The following GLIS3 variants were observed in gnomAD, a reference collection of about 807,000 sequenced individuals.
The protein encoded by GLIS3 is zinc finger protein GLIS3.
Under a neutral mutation model 78.6 loss-of-function variants are expected in GLIS3, and 53 were observed. The observed-to-expected ratio is 0.67, with a 90% CI of 0.54 to 0.85. The LOEUF (loss-of-function observed/expected upper bound fraction) is 0.85, where lower values mean the gene tolerates loss of function less well. Among genes scored for constraint, GLIS3 ranks in the 40% least tolerant of loss-of-function variants. The pLI is 0.00. For missense variants in GLIS3, 1,703 were observed against 1,231.1 expected (o/e 1.38, Z -5.74); for synonymous variants, 684 against 509.9 (o/e 1.34, Z -4.60).
intron 2 of GLIS3, among the ~76,000 whole-genome samples, chr9:4,167,289 C>T (rs1489236266): frequency 2.0e-5 from 3 of 152,000 alleles, no homozygotes; most frequent in Non-Finnish European, 4.4e-5. Context: ...GCTAAGAGAT[C>T]CTGTGTGGGA....
At chr9:4,046,683 G>A (rs1290277754) in intron 4 of GLIS3, among the ~76,000 whole-genome samples, 7 of 152,136 alleles carry the variant, frequency 4.6e-5, no homozygotes, top group African/African-American at 1.2e-4. Context: ...CATTTTTTGA[G>A]GGAAGTACAT....
intron 4 of GLIS3, among the ~76,000 whole-genome samples, chr9:4,027,611 G>A (rs542796901): frequency 3.9e-5 from 6 of 152,222 alleles, no homozygotes; most frequent in East Asian, 1.9e-4. Context: ...GTTTCTAGCT[G>A]CAAGAGTGTG....
upstream of GLIS3, among the ~76,000 whole-genome samples, chr9:4,351,922 G>C (rs949263772): frequency 4.6e-5 from 7 of 152,148 alleles, no homozygotes; most frequent in African/African-American, 1.7e-4. Flanking sequence ...AACTAGTAGT[G>C]CCTGTATTTG....
chr9:4,254,729 ACT>A (rs1824744554), intron 2 of GLIS3, among the ~76,000 whole-genome samples: 1 of 151,548 alleles, frequency 6.6e-6, no homozygotes, highest in African/African-American at 2.4e-5. Flanking sequence ...AATCCCAGCT[ACT>A]CGGGAGGCTG....
At chr9:4,481,073 C>G in the GLIS3 span, among the ~76,000 whole-genome samples, 94 of 152,250 alleles carry the variant, frequency 6.2e-4, no homozygotes, top group Admixed American at 7.8e-4. Flanking sequence ...TCAGTCTGGT[C>G]TCAAACTCCT....
the GLIS3 span, among the ~76,000 whole-genome samples, chr9:4,461,502 TCAACTCTCA>T: frequency 6.6e-6 from 1 of 152,184 alleles, no homozygotes; most frequent in East Asian, 1.9e-4. Flanking sequence ...TACTCTTTCC[TCAACTCTCA>T]CTCAAATTTT....
At chr9:4,139,177 A>G (rs199944909) in intron 2 of GLIS3, among the ~76,000 whole-genome samples, 4 of 152,204 alleles carry the variant, frequency 2.6e-5, no homozygotes, top group East Asian at 3.8e-4. Flanking sequence ...TCAAGGTTGT[A>G]TATCTCTCAA....
Position 4,117,763 on chromosome 9 carries a change from C to T in GLIS3, c.1710+5G>A. ...GAGGTCACCCCTTGCGCTTCGGAAA[C>T]TCACCGTACACTTGTTGGGCTTCTC... On this transcript the variant is annotated splice_donor_5th_base_variant and intron_variant, in intron 4 of 10. Transcript: ENST00000381971. The T allele has an allele frequency of 6.2e-7, 1 of 1,614,188 alleles. No homozygotes were observed. Among genetic ancestry groups the T allele is most frequent in the Non-Finnish European group, 8.5e-7 (1 of 1,180,038 alleles).
At chr9:4,376,902 A>G in the GLIS3 span, among the ~76,000 whole-genome samples, 233 of 134,626 alleles carry the variant, frequency 1.7e-3, 44 homozygotes, top group Non-Finnish European at 9.9e-4. Flanking sequence ...GTGTTCTTTG[A>G]GCCACTGATT....
intron 4 of GLIS3, among the ~76,000 whole-genome samples, chr9:4,067,294 G>A (rs887958656): frequency 1.7e-4 from 26 of 151,110 alleles, no homozygotes; most frequent in African/African-American, 5.3e-4. Flanking sequence ...TTAATATAAA[G>A]TATTATATTC....
chr9:4,408,952 C>G, the GLIS3 span, among the ~76,000 whole-genome samples: 2 of 151,338 alleles, frequency 1.3e-5, no homozygotes, highest in Non-Finnish European at 2.9e-5. Context: ...CTCATATACC[C>G]CACACATACA....
chr9:4,228,913 C>G (rs1822013974), intron 2 of GLIS3, among the ~76,000 whole-genome samples: 1 of 152,190 alleles, frequency 6.6e-6, no homozygotes, highest in African/African-American at 2.4e-5. Context: ...GTTCATCCTA[C>G]TCTAAAATAA....
At chr9:4,265,230 G>A (rs148725159) in intron 2 of GLIS3, among the ~76,000 whole-genome samples, 8 of 151,876 alleles carry the variant, frequency 5.3e-5, no homozygotes, top group East Asian at 3.9e-4. Context: ...TACATCTGGT[G>A]AAAGGTGATA....
At chr9:4,485,883 A>G in the GLIS3 span, among the ~76,000 whole-genome samples, 2 of 151,890 alleles carry the variant, frequency 1.3e-5, no homozygotes, top group Non-Finnish European at 2.9e-5. Flanking sequence ...CACCATGCCC[A>G]GCTAATTTTT....
chr9:4,328,358 C>A (rs1364337485), intron 2 of GLIS3, among the ~76,000 whole-genome samples: 1 of 152,204 alleles, frequency 6.6e-6, no homozygotes, highest in Admixed American at 6.5e-5. Flanking sequence ...CCACTCAACC[C>A]ACTAACCAGC....
the GLIS3 span, among the ~76,000 whole-genome samples, chr9:4,472,861 T>C: frequency 4.6e-5 from 7 of 152,192 alleles, no homozygotes; most frequent in Admixed American, 4.6e-4. Flanking sequence ...CTTAGCAAGA[T>C]TGCAGATCTG....
chr9:4,428,722 G>C, the GLIS3 span, among the ~76,000 whole-genome samples: 1 of 152,176 alleles, frequency 6.6e-6, no homozygotes, highest in African/African-American at 2.4e-5. Flanking sequence ...CAAAGCCCTA[G>C]GAATCCCGCA....
the GLIS3 span, among the ~76,000 whole-genome samples, chr9:4,458,800 C>A: frequency 6.6e-6 from 1 of 152,060 alleles, no homozygotes; most frequent in Admixed American, 6.6e-5. Flanking sequence ...TTGAGTATAT[C>A]TGAACAAGTG....
chr9:4,357,940 G>C, the GLIS3 span, among the ~76,000 whole-genome samples: 1 of 152,138 alleles, frequency 6.6e-6, no homozygotes, highest in Non-Finnish European at 1.5e-5. Flanking sequence ...CCATTAGAGG[G>C]TCATTAAACA....
Sources: allele counts gnomAD v4.1 joint callset (sites outside exome capture counted in the v4.1 genomes callset), GRCh38; gene constraint gnomAD v4.1.1; transcripts MANE v1.5; gene names NCBI Gene and HGNC (gene_info 2026-07-23, HGNC 2026-07-21).